TENM2: variants seen among roughly 807,000 people sequenced by gnomAD.
TENM2 encodes the protein teneurin-2.
Under a neutral mutation model 245.2 loss-of-function variants are expected in TENM2, and 52 were observed. The observed-to-expected ratio is 0.21, with a 90% CI of 0.17 to 0.27. The LOEUF (loss-of-function observed/expected upper bound fraction) is 0.27, where lower values mean the gene tolerates loss of function less well. Among genes scored for constraint, TENM2 ranks in the 10% least tolerant of loss-of-function variants. TENM2 has a pLI of 1.00. For synonymous variants in TENM2, 1,363 were observed against 1,438.9 expected (o/e 0.95, Z 1.19); for missense variants, 3,046 against 3,666.8 (o/e 0.83, Z 4.37).
chr5:167,600,782 C>T (rs1056716804), intron 2 of TENM2, among the ~76,000 whole-genome samples: 1 of 152,190 alleles, frequency 6.6e-6, no homozygotes, highest in Admixed American at 6.5e-5. Flanking sequence ...TTCATTTGCT[C>T]ATCTGGGCAA....
At chr5:167,583,886 T>G (rs1775286531) in intron 2 of TENM2, among the ~76,000 whole-genome samples, 2 of 152,192 alleles carry the variant, frequency 1.3e-5, no homozygotes, top group Admixed American at 1.3e-4. Context: ...TTTTGTCTGC[T>G]TTAACACTCC....
At chr5:167,875,875 CTT>C (rs11290475) in intron 2 of TENM2, 109 bp from the exon 5 acceptor site, 30,109 of 566,870 alleles carry the variant, frequency 0.053, 2 homozygotes, top group Middle Eastern at 0.073. Context: ...CAGTTCATTT[CTT>C]TTTTTTTTTT....
At chr5:167,069,038 T>G in the TENM2 span, among the ~76,000 whole-genome samples, 1 of 152,328 alleles carries the variant, frequency 6.6e-6, no homozygotes, top group East Asian at 1.9e-4. Flanking sequence ...CGTATTTTTA[T>G]GTCTGTGAAA....
chr5:167,810,102 G>A (rs2150988474), intron 2 of TENM2, among the ~76,000 whole-genome samples: 1 of 152,220 alleles, frequency 6.6e-6, no homozygotes, highest in Middle Eastern at 3.4e-3. Flanking sequence ...GAACCTGCCT[G>A]ATAAAAAGTA....
At chr5:168,029,895 A>T (rs1786959353) in intron 5 of TENM2, among the ~76,000 whole-genome samples, 1 of 152,210 alleles carries the variant, frequency 6.6e-6, no homozygotes, top group Admixed American at 6.5e-5. Flanking sequence ...CGGATTTTTT[A>T]AAGTTCCATT....
intron 2 of TENM2, among the ~76,000 whole-genome samples, chr5:167,746,462 G>A (rs6895940): frequency 0.36 from 54,190 of 151,932 alleles, 11,134 homozygotes; most frequent in African/African-American, 0.56. Flanking sequence ...GAAACAAAAG[G>A]TGAATGACAA....
In TENM2 at chr5:167,299,105, G is replaced by A. The variant is rs189234466; in HGVS notation, c.226+14042G>A. ...TTGTCCAGTCCTTTTTAAGTTGGTG[G>A]CTGAGCCTGGTGAGGTGTGTTTTTA... On this transcript the variant is annotated intron_variant, in intron 1 of 28. Coordinates refer to ENST00000518659, the Ensembl canonical transcript of TENM2. Among the ~76,000 whole-genome samples the A allele has an allele frequency of 4.4e-4, 67 of 152,286 alleles. 1 individual carries two copies. In the East Asian group the frequency reaches 0.012, roughly 27 times the overall value.
the TENM2 span, among the ~76,000 whole-genome samples, chr5:167,084,701 T>A: frequency 4.6e-5 from 7 of 151,994 alleles, no homozygotes; most frequent in African/African-American, 1.7e-4. Context: ...ATAGCAATAT[T>A]TTCTGGCACA....
chr5:167,729,390 C>T (rs923106920), intron 2 of TENM2, among the ~76,000 whole-genome samples: 1 of 152,098 alleles, frequency 6.6e-6, no homozygotes, highest in Admixed American at 6.5e-5. Context: ...CTTTTTAAAG[C>T]TCTTGTGTTC....
chr5:168,130,077 A>G (rs761031432), intron 12 of TENM2: 5 of 152,182 alleles, frequency 3.3e-5, no homozygotes, highest in Admixed American at 6.5e-5. Flanking sequence ...GATTACATTT[A>G]CTGTACTAAA....
At chr5:168,066,122 T>C (rs553757103) in intron 7 of TENM2, among the ~76,000 whole-genome samples, 1 of 152,212 alleles carries the variant, frequency 6.6e-6, no homozygotes, top group Non-Finnish European at 1.5e-5. Context: ...CTGCTTCGCA[T>C]GTCCCTCTTA....
rs182610492 is a variant in TENM2 at position 168,241,598 on chromosome 5, A to G, written c.5521-2822A>G. On this transcript the variant is annotated intron_variant, in intron 25 of 28. Transcript: ENST00000518659. Reference sequence around the variant, plus strand: ...CTTTTCTAATTGTCCTATAATAAATATTCTATCCTCTCTCTGAGATGACCT... The same window carrying G: ...CTTTTCTAATTGTCCTATAATAAATGTTCTATCCTCTCTCTGAGATGACCT... Among the ~76,000 whole-genome samples, 47 of 152,118 alleles carry G rather than the reference A, an allele frequency of 3.1e-4. 1 individual carries two copies. The highest frequency in any genetic ancestry group is 2.2e-4 in the Non-Finnish European group (15 of 68,006).
intron 2 of TENM2, among the ~76,000 whole-genome samples, chr5:167,772,940 A>G (rs1763499336): frequency 6.6e-6 from 1 of 152,170 alleles, no homozygotes; most frequent in Non-Finnish European, 1.5e-5. Context: ...CCCTCCAGAA[A>G]TGGCTCAACC....
chr5:168,092,042 C>A (rs1400025224), intron 8 of TENM2, among the ~76,000 whole-genome samples: 1 of 152,108 alleles, frequency 6.6e-6, no homozygotes, highest in Non-Finnish European at 1.5e-5. Flanking sequence ...AGGAATATGT[C>A]TAGTATCGCT....
chr5:167,292,318 C>T (rs896321230), intron 1 of TENM2, among the ~76,000 whole-genome samples: 5 of 152,118 alleles, frequency 3.3e-5, no homozygotes, highest in Admixed American at 1.3e-4. Flanking sequence ...AATTTGTTTC[C>T]GTTTTTCATT....
chr5:167,290,437 G>GT (rs1220437154), intron 1 of TENM2, among the ~76,000 whole-genome samples: 2 of 152,162 alleles, frequency 1.3e-5, no homozygotes, highest in African/African-American at 4.8e-5. Flanking sequence ...TATCGTTACA[G>GT]TTATTGTCAC....
chr5:167,902,304 T>C (rs1458996174), intron 3 of TENM2, among the ~76,000 whole-genome samples: 1 of 152,214 alleles, frequency 6.6e-6, no homozygotes, highest in Non-Finnish European at 1.5e-5. Flanking sequence ...ACAACTGTTA[T>C]AAAGGATTTG....
In TENM2 at chr5:167,663,965, C is replaced by T. The variant is rs984182341; in HGVS notation, c.503-212021C>T. On this transcript the variant is annotated intron_variant, in intron 2 of 28. Coordinates refer to ENST00000518659, the Ensembl canonical transcript of TENM2. The stretch of plus-strand genomic sequence containing the variant: ...TCAAATATAGTTATAGGCTGAATCT[C>T]ATAATTTCACTATCTAATGTTATTT... Among the ~76,000 whole-genome samples, 56 of 152,154 alleles carry T rather than the reference C, an allele frequency of 3.7e-4. 1 individual carries two copies. The highest frequency in any genetic ancestry group is 3.7e-3 in the Admixed American group (56 of 15,268).
the TENM2 span, among the ~76,000 whole-genome samples, chr5:167,018,490 A>G: frequency 0.4 from 61,158 of 151,910 alleles, 13,166 homozygotes; most frequent in Admixed American, 0.55. Flanking sequence ...ATGAAGGTTC[A>G]TTATGATCAC....
Sources: gnomAD v4.1 joint callset for allele counts (sites outside exome capture counted in the v4.1 genomes callset) on GRCh38, gnomAD v4.1.1 for gene constraint, MANE v1.5 for transcripts, NCBI Gene and HGNC (gene_info 2026-07-23, HGNC 2026-07-21) for gene names.